EIF2D: variants seen among roughly 807,000 people sequenced by gnomAD.
The protein encoded by EIF2D is hepatocellular carcinoma-associated antigen 56.
A neutral mutation model predicts 77.4 loss-of-function variants in EIF2D; 56 were observed. The observed-to-expected ratio is 0.72, with a 90% CI of 0.58 to 0.90. The LOEUF (loss-of-function observed/expected upper bound fraction) is 0.90. EIF2D is among the 40% of genes least tolerant of loss of function. EIF2D has a pLI of 0.00. For missense variants in EIF2D, 574 were observed against 706.5 expected (o/e 0.81, Z 2.13); for synonymous variants, 230 against 271.0 (o/e 0.85, Z 1.49).
chr1:206,612,276 T>G lies in EIF2D; in HGVS notation c.56+11A>C. On this transcript the variant is annotated intron_variant, in intron 1 of 14. Transcript: ENST00000271764. Reference sequence around the variant, plus strand: ...TGTTCCGTGGCAGAGCAGGCCCCTTTCCTCCCTCACCTGTCCGACCCCTTG... The same window carrying G: ...TGTTCCGTGGCAGAGCAGGCCCCTTGCCTCCCTCACCTGTCCGACCCCTTG... The G allele has an allele frequency of 6.2e-7, 1 of 1,614,182 alleles. No homozygotes were observed. The highest frequency in any genetic ancestry group is 8.5e-7 in the Non-Finnish European group (1 of 1,180,012).
At position 206,584,614 on chromosome 1, in the gene EIF2D, C is replaced by G; in HGVS notation, c.139-3452G>C. ...TCAGTGAGGTCATCCAGGGGCTGCT[C>G]AAGAAGTTCATGGTTGTGGACAATC... On this transcript the variant is annotated intron_variant and NMD_transcript_variant, in intron 2 of 5. Coordinates refer to the EIF2D transcript ENST00000472709. The surrounding 1 kb of genome is among the most constrained non-coding windows in gnomAD (Gnocchi z 4.9). 1 of 1,614,202 alleles carries G rather than the reference C, an allele frequency of 6.2e-7. No homozygotes were observed. The highest frequency in any genetic ancestry group is 8.5e-7 in the Non-Finnish European group (1 of 1,180,042).
chr1:206,578,077 A>AC (rs1668721309), intron 4 of EIF2D, among the ~76,000 whole-genome samples: 1 of 151,284 alleles, frequency 6.6e-6, no homozygotes, highest in Non-Finnish European at 1.5e-5. Context: ...AATAAAAAAA[A>AC]TTAGCCAGGA....
chr1:206,609,066 A>T (rs1355168756), intron 3 of EIF2D, among the ~76,000 whole-genome samples: 1 of 151,992 alleles, frequency 6.6e-6, no homozygotes, highest in African/African-American at 2.4e-5. Flanking sequence ...AAAAAAAAAT[A>T]AAAAAAGTTT....
chr1:206,585,067 G>C, intron 2 of EIF2D: 1 of 737,200 alleles, frequency 1.4e-6, no homozygotes, highest in Non-Finnish European at 2.3e-6. Flanking sequence ...AAAGGCCCGT[G>C]TCTACTTCCA....
chr1:206,610,547 G>A (rs1439020030), intron 2 of EIF2D, among the ~76,000 whole-genome samples: 2 of 151,782 alleles, frequency 1.3e-5, no homozygotes, highest in African/African-American at 4.8e-5. Context: ...TTGGCCAGGC[G>A]CGGTGGCTCA....
chr1:206,609,980 C>CAAAGTTACTTTGTAA (rs1553413558), intron 2 of EIF2D, among the ~76,000 whole-genome samples: 1 of 151,960 alleles, frequency 6.6e-6, no homozygotes, highest in African/African-American at 2.4e-5. Context: ...GGATGAAAAG[C>CAAAGTTACTTTGTAA]CCCAAGTTAC....
Position 206,584,288 on chromosome 1 carries a change from G to T in EIF2D, c.139-3126C>A. 8.4e-7 allele frequency: 1 copy of T among 1,193,890 alleles called. No homozygotes were observed. The highest frequency in any genetic ancestry group is 1.5e-5 in the African/African-American group (1 of 65,182). 74.0% of individuals were successfully genotyped at this position (1,193,890 alleles called of 1,614,324 possible). ...TCAGCAGAGGCAGGAAAGAACTCAA[G>T]GAGACAGGTGGGTGCTGCTGGGGCA... is the stretch of plus-strand genomic sequence containing the variant. On this transcript the variant is annotated intron_variant and NMD_transcript_variant, in intron 2 of 5. Transcript: ENST00000472709. This position sits in a 1 kb window ranked among gnomAD's most constrained non-coding sequence, Gnocchi z 4.9.
At chr1:206,601,498 G>A (rs896257833) in intron 7 of EIF2D, 3 of 152,192 alleles carry the variant, frequency 2.0e-5, no homozygotes, top group Non-Finnish European at 4.4e-5. Flanking sequence ...TTGAACCTGG[G>A]AGGCAGGGGT....
intron 4 of EIF2D, chr1:206,580,623 G>A (rs1553406094): frequency 6.6e-6 from 1 of 152,246 alleles, no homozygotes; most frequent in East Asian, 1.9e-4. Flanking sequence ...TTCACTGTGA[G>A]AGTCCCCGGG....
rs782515448 is a variant in EIF2D, at chr1:206,584,708, C to A, written c.139-3546G>T. 2 of 1,613,422 alleles carry A rather than the reference C, an allele frequency of 1.2e-6. No individual in the cohort carries two copies. Among genetic ancestry groups the A allele is most frequent in the Non-Finnish European group, 1.7e-6 (2 of 1,179,550 alleles). On this transcript the variant is annotated intron_variant and NMD_transcript_variant, in intron 2 of 5. Coordinates refer to the EIF2D transcript ENST00000472709. This position sits in a 1 kb window ranked among gnomAD's most constrained non-coding sequence, Gnocchi z 4.9. ...AGGTAGGAGAAAGAGTGAACCCAAC[C>A]AGACCGTTCCCTTCCTACCTGTGTC...
At chr1:206,578,069 T>TAA (rs35230319) in intron 4 of EIF2D, among the ~76,000 whole-genome samples, 3 of 150,908 alleles carry the variant, frequency 2.0e-5, no homozygotes, top group South Asian at 2.1e-4. Context: ...TACAAAAAAA[T>TAA]AAAAAAAATT....
At chr1:206,594,073 A>G in intron 13 of EIF2D, 1 of 249,310 alleles carries the variant, frequency 4.0e-6, no homozygotes, top group Middle Eastern at 1.3e-3. Context: ...TGGAGAATTC[A>G]AAACATAAAT....
rs920934574 is a variant in EIF2D at position 206,585,091 on chromosome 1, C to T, written c.139-3929G>A. On this transcript the variant is annotated intron_variant and NMD_transcript_variant, in intron 2 of 5. Coordinates refer to the EIF2D transcript ENST00000472709. ...TGTCTACTTCCAGTTGTACGTACCC[C>T]ACCTCTGCATTTCCAATCCTTTCCC... The T allele has an allele frequency of 8.9e-6, 8 of 900,574 alleles. No individual in the cohort carries two copies. The East Asian group carries it at 1.9e-4, about 22-fold the overall frequency. The allele number at this position is 900,574 out of a possible 1,614,324, so 55.8% of individuals were successfully genotyped here.
chr1:206,607,809 G>A (rs1477306242), intron 4 of EIF2D, among the ~76,000 whole-genome samples: 1 of 151,986 alleles, frequency 6.6e-6, no homozygotes, highest in Non-Finnish European at 1.5e-5. Flanking sequence ...GAAAAAACTG[G>A]GGAAATATGA....
At chr1:206,609,967 G>A (rs1670392396) in intron 2 of EIF2D, among the ~76,000 whole-genome samples, 1 of 152,104 alleles carries the variant, frequency 6.6e-6, no homozygotes, top group African/African-American at 2.4e-5. Context: ...AGACAACCCT[G>A]GAGGATGAAA....
In EIF2D at chr1:206,584,876, G is replaced by A. The variant is rs1233399255; in HGVS notation, c.139-3714C>T. On this transcript the variant is annotated intron_variant and NMD_transcript_variant, in intron 2 of 5. Coordinates refer to the EIF2D transcript ENST00000472709. The surrounding 1 kb of genome is among the most constrained non-coding windows in gnomAD (Gnocchi z 4.9). ...AAGAGCAGAGTCCCTGACTCTGCAT[G>A]TGACTTCAGGAAAACCACACCCTAG... 1 of 638,278 alleles carries A rather than the reference G, an allele frequency of 1.6e-6. No individual in the cohort carries two copies. Among genetic ancestry groups the A allele is most frequent in the African/African-American group, 1.8e-5 (1 of 54,448 alleles). The allele number at this position is 638,278 out of a possible 1,614,324, so 39.5% of individuals were successfully genotyped here.
In EIF2D at chr1:206,584,678, G is replaced by C; in HGVS notation, c.139-3516C>G. On this transcript the variant is annotated intron_variant and NMD_transcript_variant, in intron 2 of 5. Transcript: ENST00000472709. This position sits in a 1 kb window ranked among gnomAD's most constrained non-coding sequence, Gnocchi z 4.9. The stretch of plus-strand genomic sequence containing the variant: ...ACTTTTTAAGCGGATACACAAGGAC[G>C]GACAAGGTAGGAGAAAGAGTGAACC... 6.2e-7 allele frequency: 1 copy of C among 1,614,128 alleles called. No homozygotes were observed. Among genetic ancestry groups the C allele is most frequent in the Non-Finnish European group, 8.5e-7 (1 of 1,179,998 alleles).
chr1:206,571,445 C>G (rs1160993096), exon 6 of EIF2D: 2 of 152,116 alleles, frequency 1.3e-5, no homozygotes, highest in African/African-American at 4.8e-5. Context: ...CACTCACCTA[C>G]CCACCGTCCA....
intron 4 of EIF2D, among the ~76,000 whole-genome samples, chr1:206,606,504 G>T (rs1327161140): frequency 1.3e-5 from 2 of 151,978 alleles, no homozygotes; most frequent in Non-Finnish European, 2.9e-5. Context: ...AGGCTAAAGT[G>T]AACAGGCCAA....
Sources: allele counts gnomAD v4.1 joint callset (sites outside exome capture counted in the v4.1 genomes callset), GRCh38; gene constraint gnomAD v4.1.1; non-coding constraint Gnocchi (gnomAD v3.1); transcripts MANE v1.5; gene names NCBI Gene and HGNC (gene_info 2026-07-23, HGNC 2026-07-21).